Variants in PRKG2 observed in about 807,000 individuals in gnomAD.
PRKG2 encodes protein kinase cGMP-dependent 2.
A neutral mutation model predicts 97.2 loss-of-function variants in PRKG2; 33 were observed. The observed-to-expected ratio is 0.34, with a 90% CI of 0.26 to 0.45. PRKG2 has a LOEUF of 0.45. Among genes scored for constraint, PRKG2 ranks in the 20% least tolerant of loss-of-function variants. The pLI is 1.00. For missense variants in PRKG2, 638 were observed against 900.0 expected (o/e 0.71, Z 3.73); for synonymous variants, 330 against 321.8 (o/e 1.03, Z -0.27).
At chr4:81,180,932 C>G (rs1305569799) in intron 2 of PRKG2, among the ~76,000 whole-genome samples, 4 of 151,702 alleles carry the variant, frequency 2.6e-5, no homozygotes, top group Non-Finnish European at 5.9e-5. Context: ...GTGCTGCACC[C>G]TAATTAACTC....
intron 6 of PRKG2, among the ~76,000 whole-genome samples, chr4:81,163,459 T>G (rs779689296): frequency 2.7e-4 from 41 of 152,184 alleles, no homozygotes; most frequent in Admixed American, 7.9e-4. Flanking sequence ...ACATTCTGCA[T>G]GTACTCCCAA....
chr4:81,196,287 G>A (rs1752955997), intron 2 of PRKG2, among the ~76,000 whole-genome samples: 1 of 152,210 alleles, frequency 6.6e-6, no homozygotes, highest in Non-Finnish European at 1.5e-5. Context: ...CCCTTTGACT[G>A]CAGCCTTGTG....
intron 9 of PRKG2, 120 bp from the exon 10 acceptor site, chr4:81,144,450 T>C: frequency 1.4e-6 from 1 of 737,244 alleles, no homozygotes; most frequent in Non-Finnish European, 2.2e-6. Flanking sequence ...ATTTTTTAAA[T>C]AATTTATGAA....
At chr4:81,109,045 G>A (rs1418561244) in intron 15 of PRKG2, among the ~76,000 whole-genome samples, 2 of 152,148 alleles carry the variant, frequency 1.3e-5, no homozygotes, top group Admixed American at 1.3e-4. Flanking sequence ...ATTTCCCAGA[G>A]AAACAAATTT....
chr4:81,111,699 A>C lies in PRKG2; in HGVS notation c.1777-1088T>G, dbSNP rs148272026. On this transcript the variant is annotated intron_variant, in intron 14 of 18. Transcript: ENST00000264399. Reference sequence around the variant, plus strand: ...GCCCTATTCAAAGAACTCCGTGCACAGAATAGACAGAAAAAAAGCTGGAGC... The same window carrying C: ...GCCCTATTCAAAGAACTCCGTGCACCGAATAGACAGAAAAAAAGCTGGAGC... Among the ~76,000 whole-genome samples the C allele has an allele frequency of 7.9e-5, 12 of 152,258 alleles. 1 individual carries two copies. The East Asian group carries it at 2.3e-3, about 29-fold the overall frequency.
chr4:81,138,296 G>A (rs572742156), intron 12 of PRKG2, among the ~76,000 whole-genome samples: 3 of 152,012 alleles, frequency 2.0e-5, no homozygotes, highest in Non-Finnish European at 4.4e-5. Flanking sequence ...GCAGTTTTGG[G>A]GCCTTAATCA....
At chr4:81,128,191 G>A (rs112894425) in intron 14 of PRKG2, among the ~76,000 whole-genome samples, 5 of 152,088 alleles carry the variant, frequency 3.3e-5, no homozygotes, top group African/African-American at 7.2e-5. Flanking sequence ...TGACTTGATC[G>A]TGGTGGATAA....
intron 12 of PRKG2, among the ~76,000 whole-genome samples, chr4:81,139,302 TGAG>T (rs1187504345): frequency 6.6e-6 from 1 of 152,148 alleles, no homozygotes; most frequent in Non-Finnish European, 1.5e-5. Context: ...GGATGCTCTC[TGAG>T]GAGTTTCACA....
At chr4:81,144,611 T>TATA (rs1553923796) in intron 9 of PRKG2, among the ~76,000 whole-genome samples, 5 of 136,726 alleles carry the variant, frequency 3.7e-5, no homozygotes, top group African/African-American at 1.5e-4. Context: ...TATATATATA[T>TATA]TTTTTTTTTA....
chr4:81,140,747 G>A lies in PRKG2; in HGVS notation c.1408-78C>T, dbSNP rs533057151. On this transcript the variant is annotated intron_variant, in intron 11 of 18. Coordinates refer to ENST00000264399, the MANE Select transcript of PRKG2 (RefSeq NM_006259.3). ...ACACTAATCAATGAGAGTTAAAACTGTTTCATGTTTAATTAGTATGGAAGC... is the reference window on the plus strand; with the variant it reads ...ACACTAATCAATGAGAGTTAAAACTATTTCATGTTTAATTAGTATGGAAGC... 3.1e-6 allele frequency: 4 copies of A among 1,302,156 alleles called. No homozygotes were observed. The East Asian group carries it at 7.2e-5, about 24-fold the overall frequency. The allele number at this position is 1,302,156 out of a possible 1,614,324, so 80.7% of individuals were successfully genotyped here. A position where few individuals can be genotyped will look rare whatever the true frequency, so the allele number is the denominator to read the frequency against.
chr4:81,157,819 A>G (rs1284433384), intron 6 of PRKG2, among the ~76,000 whole-genome samples: 1 of 150,688 alleles, frequency 6.6e-6, no homozygotes, highest in South Asian at 2.1e-4. Context: ...ACAGAACCAA[A>G]GACAAAAACC....
In PRKG2 at chr4:81,169,759, T is replaced by C. The variant is rs934497779; in HGVS notation, c.752A>G (p.Asn251Ser). ...TRTASVKAIT[N>S]VKTWALDREV... The stretch of plus-strand genomic sequence containing the variant: ...TCGATCTAGTGCCCATGTTTTAACA[T>C]TGGTAATAGCTTTAGAAAATTCAAG... The change falls in exon 5 of 19, where the codon AAT (asparagine) becomes AGT (serine). Residue 251 changes from asparagine (N) to serine (S), a missense_variant. Physicochemically the swap from Asn to Ser is conservative, Grantham distance 46. Around this residue, in one of 3 missense-constraint regions of PRKG2, gnomAD observed 332 missense variants for 421.7 expected, o/e 0.79. Coordinates refer to ENST00000264399, the MANE Select transcript of PRKG2 (RefSeq NM_006259.3). 1.0e-5 allele frequency: 16 copies of C among 1,601,434 alleles called. No individual in the cohort carries two copies. Among genetic ancestry groups the C allele is most frequent in the East Asian group, 4.5e-5 (2 of 44,616 alleles).
chr4:81,151,921 C>A lies in PRKG2; in HGVS notation c.1085+39G>T, dbSNP rs374467927. Reference sequence around the variant, plus strand: ...GATTTTATATAAAAAATAGTCGAAGCATTTTATCCAAAGTATGGCATATAA... The same window carrying A: ...GATTTTATATAAAAAATAGTCGAAGAATTTTATCCAAAGTATGGCATATAA... On this transcript the variant is annotated intron_variant, in intron 8 of 18. Transcript: ENST00000264399. 49 of 1,471,672 alleles carry A rather than the reference C, an allele frequency of 3.3e-5. No homozygotes were observed. In the East Asian group the frequency reaches 4.6e-4, roughly 14 times the overall value. The allele number at this position is 1,471,672 out of a possible 1,614,324, so 91.2% of individuals were successfully genotyped here.
In PRKG2 at chr4:81,088,236, C is replaced by G. The variant is rs1036263447; in HGVS notation, c.*1472G>C. The stretch of plus-strand genomic sequence containing the variant: ...CCTTTCTGGATTGGGCTTCACTTAT[C>G]TAGCTTAACTCATTAAGGAAGCATA... On this transcript the variant is annotated 3_prime_UTR_variant, in exon 19 of 19. Transcript: ENST00000264399. 46 of 152,136 alleles carry G rather than the reference C, an allele frequency of 3.0e-4. No homozygotes were observed. The highest frequency in any genetic ancestry group is 1.1e-3 in the African/African-American group (46 of 41,444). The allele number at this position is 152,136 out of a possible 1,614,324, so 9.4% of individuals were successfully genotyped here. A position where few individuals can be genotyped will look rare whatever the true frequency, so the allele number is the denominator to read the frequency against.
intron 14 of PRKG2, among the ~76,000 whole-genome samples, chr4:81,122,521 C>T (rs1378301616): frequency 6.6e-6 from 1 of 152,108 alleles, no homozygotes; most frequent in Non-Finnish European, 1.5e-5. Context: ...TCACCACAAA[C>T]TCATCATCTA....
chr4:81,111,550 GA>G (rs1743989912), intron 14 of PRKG2, among the ~76,000 whole-genome samples: 1 of 152,056 alleles, frequency 6.6e-6, no homozygotes, highest in Non-Finnish European at 1.5e-5. Flanking sequence ...GATGGTTGGG[GA>G]AGATGTTATT....
At chr4:81,165,594 T>C (rs1425800983) in intron 6 of PRKG2, among the ~76,000 whole-genome samples, 1 of 152,124 alleles carries the variant, frequency 6.6e-6, no homozygotes, top group Non-Finnish European at 1.5e-5. Flanking sequence ...CATTTGAGAA[T>C]TTTCACACAT....
At chr4:81,164,290 C>T (rs1235375147) in intron 6 of PRKG2, among the ~76,000 whole-genome samples, 2 of 152,112 alleles carry the variant, frequency 1.3e-5, no homozygotes, top group Admixed American at 6.6e-5. Flanking sequence ...GGTAGAGTGA[C>T]AGAGGCAGAA....
At position 81,092,613 on chromosome 4, in the gene PRKG2, T is replaced by G. The variant is rs535049884; in HGVS notation, c.2127-161A>C. ...CTTTAAATAGCACTTATATGCTAAT[T>G]ATTCCCAAATTTCTATTTCCAACCA... On this transcript the variant is annotated intron_variant, in intron 17 of 18. Coordinates refer to ENST00000264399, the MANE Select transcript of PRKG2 (RefSeq NM_006259.3). 1.6e-4 allele frequency among the ~76,000 whole-genome samples: 25 copies of G among 152,302 alleles called. No homozygotes were observed. In the East Asian group the frequency reaches 4.4e-3, roughly 27 times the overall value.
Sources: gnomAD v4.1 joint callset for allele counts (sites outside exome capture counted in the v4.1 genomes callset) on GRCh38, gnomAD v4.1.1 for gene constraint, gnomAD v4.1.1 regional missense constraint, MANE v1.5 for transcripts, NCBI Gene and HGNC (gene_info 2026-07-23, HGNC 2026-07-21) for gene names.